CELF1: variants seen among roughly 807,000 people sequenced by gnomAD.
The protein encoded by CELF1 is 50 kDa nuclear polyadenylated RNA-binding protein.
CELF1 carries 10 observed loss-of-function variants against 61.8 expected under a neutral mutation model. The observed-to-expected ratio is 0.16, with a 90% confidence interval of 0.10 to 0.27. CELF1 has a LOEUF of 0.27. Ranked by LOEUF, CELF1 falls within the 10% of genes least tolerant of loss-of-function variation. The probability of loss-of-function intolerance (pLI) is 1.00; values close to 1 mark genes in which losing one functional copy is unlikely to be tolerated. For missense variants in CELF1, 380 were observed against 639.1 expected (o/e 0.59, Z 4.37); for synonymous variants, 236 against 225.1 (o/e 1.05, Z -0.43).
chr11:47,485,684 C>T (rs979360798), intron 6 of CELF1, among the ~76,000 whole-genome samples: 1 of 151,546 alleles, frequency 6.6e-6, no homozygotes, highest in African/African-American at 2.4e-5. Flanking sequence ...TGGGTCCAAG[C>T]GATTCTCCTG....
chr11:47,529,816 A>G (rs1319723601), intron 1 of CELF1, among the ~76,000 whole-genome samples: 1 of 150,616 alleles, frequency 6.6e-6, no homozygotes, highest in Non-Finnish European at 1.5e-5. Flanking sequence ...GTAAGACTTA[A>G]AAAAAAAAGA....
Position 47,487,143 on chromosome 11 carries a change from G to A in CELF1, c.342+16C>T. 6 of 1,589,106 alleles carry A rather than the reference G, an allele frequency of 3.8e-6. No homozygotes were observed. In the South Asian group the frequency reaches 6.6e-5, roughly 18 times the overall value. On this transcript the variant is annotated intron_variant, in intron 5 of 14. Transcript: ENST00000687097. ...AAAGTTACCACATTTCCATTTACTA[G>A]TGGGAGCTTTCTTACCCCTGGGAGG...
intron 3 of CELF1, among the ~76,000 whole-genome samples, chr11:47,497,066 T>A (rs2093251344): frequency 6.6e-6 from 1 of 152,144 alleles, no homozygotes; most frequent in African/African-American, 2.4e-5. Context: ...GATCTGGAGT[T>A]CACTTGAACT....
At chr11:47,499,928 A>G (rs1449536939) in intron 2 of CELF1, among the ~76,000 whole-genome samples, 1 of 152,216 alleles carries the variant, frequency 6.6e-6, no homozygotes, top group Non-Finnish European at 1.5e-5. Flanking sequence ...CCTGCAAACC[A>G]GTTTTTAAGG....
intron 3 of CELF1, among the ~76,000 whole-genome samples, chr11:47,491,387 T>C (rs987852123): frequency 1.3e-5 from 2 of 151,994 alleles, no homozygotes; most frequent in Non-Finnish European, 2.9e-5. Flanking sequence ...GGTCTTGAAC[T>C]GAGCTCAAGT....
At chr11:47,500,721 G>A (rs544238607) in intron 2 of CELF1, 140 bp downstream of exon 2, 6 of 392,684 alleles carry the variant, frequency 1.5e-5, no homozygotes, top group East Asian at 1.1e-4. Flanking sequence ...GTGTGCTCCC[G>A]TTCTCAATTT....
chr11:47,524,800 A>G (rs2096153567), intron 1 of CELF1: 1 of 152,182 alleles, frequency 6.6e-6, no homozygotes, highest in Non-Finnish European at 1.5e-5. Flanking sequence ...TTACCCATAC[A>G]TGGTTGCTGA....
intron 1 of CELF1, among the ~76,000 whole-genome samples, chr11:47,550,059 C>T: frequency 6.6e-6 from 1 of 151,886 alleles, no homozygotes; most frequent in Non-Finnish European, 1.5e-5. Flanking sequence ...TCGTGATCCG[C>T]CCACCTCAGC....
intron 1 of CELF1, among the ~76,000 whole-genome samples, chr11:47,516,895 G>A (rs1056698930): frequency 6.6e-6 from 1 of 151,976 alleles, no homozygotes; most frequent in Non-Finnish European, 1.5e-5. Context: ...GAGCCACCAC[G>A]CCCAGCTCAC....
At chr11:47,483,680 G>A (rs1005585119) in intron 7 of CELF1, 148 bp from the exon 8 acceptor site, 3 of 604,558 alleles carry the variant, frequency 5.0e-6, no homozygotes, top group Admixed American at 2.7e-5. Context: ...TTGCAACAGG[G>A]TGATATGTGC....
intron 1 of CELF1, among the ~76,000 whole-genome samples, chr11:47,501,203 A>C (rs1004477860): frequency 1.2e-4 from 19 of 152,186 alleles, no homozygotes; most frequent in African/African-American, 4.3e-4. Flanking sequence ...ACTACTATAG[A>C]GGCAGAAGTG....
At chr11:47,515,167 G>GT (rs1396600356) in intron 1 of CELF1, among the ~76,000 whole-genome samples, 1 of 152,206 alleles carries the variant, frequency 6.6e-6, no homozygotes, top group Non-Finnish European at 1.5e-5. Context: ...ATTGCAGTTT[G>GT]AACCCAATGT....
intron 3 of CELF1, among the ~76,000 whole-genome samples, chr11:47,489,935 G>GTTTTCTTTTTTTTTTTTTTTTTTT (rs2090221098): frequency 2.1e-5 from 1 of 48,226 alleles, no homozygotes; most frequent in African/African-American, 7.8e-5. Flanking sequence ...ATACCATCTT[G>GTTTTCTTTTTTTTTTTTTTTTTTT]TTTTTTTTTT....
intron 1 of CELF1, among the ~76,000 whole-genome samples, chr11:47,533,662 T>A (rs1444512703): frequency 2.6e-5 from 1 of 37,892 alleles, no homozygotes. Context: ...ATACATAAAT[T>A]AGCTGAGCAT....
chr11:47,494,983 C>T (rs1222071477), intron 3 of CELF1, among the ~76,000 whole-genome samples: 1 of 152,176 alleles, frequency 6.6e-6, no homozygotes, highest in Non-Finnish European at 1.5e-5. Flanking sequence ...AACTCCTGGC[C>T]TCAAGGGATC....
chr11:47,563,154 T>C, intron 2 of CELF1, among the ~76,000 whole-genome samples: 1 of 151,636 alleles, frequency 6.6e-6, no homozygotes, highest in Non-Finnish European at 1.5e-5. Flanking sequence ...AGGTCGGGGC[T>C]ACAGTGAGTC....
chr11:47,477,505 C>CAG, intron 10 of CELF1, 80 bp from the exon 11 acceptor site: 2 of 1,469,188 alleles, frequency 1.4e-6, no homozygotes. Flanking sequence ...CACACACTGG[C>CAG]AGAGGGCTGG....
chr11:47,534,604 T>C (rs1213986722), intron 1 of CELF1, among the ~76,000 whole-genome samples: 1 of 151,946 alleles, frequency 6.6e-6, no homozygotes, highest in Non-Finnish European at 1.5e-5. Flanking sequence ...GGTGGGCAAC[T>C]GTAGTCCCAG....
intron 1 of CELF1, among the ~76,000 whole-genome samples, chr11:47,507,811 A>C (rs1044438555): frequency 2.0e-5 from 3 of 152,216 alleles, no homozygotes; most frequent in Non-Finnish European, 4.4e-5. Flanking sequence ...ATAGGTGCTC[A>C]AGTATTAACT....
Sources: gnomAD v4.1 joint callset for allele counts (sites outside exome capture counted in the v4.1 genomes callset) on GRCh38, gnomAD v4.1.1 for gene constraint, MANE v1.5 for transcripts, NCBI Gene and HGNC (gene_info 2026-07-23, HGNC 2026-07-21) for gene names.